ANKRD30B: variants seen among roughly 807,000 people sequenced by gnomAD.
The protein encoded by ANKRD30B is ankyrin repeat domain 30B.
In ANKRD30B, 144 loss-of-function variants were observed where a neutral mutation model predicts 202.2. That is an observed-to-expected ratio of 0.71 (90% confidence interval 0.62 to 0.82). ANKRD30B has a LOEUF of 0.82. Ranked by LOEUF, ANKRD30B falls within the 40% of genes least tolerant of loss-of-function variation. ANKRD30B has a pLI of 0.00. For synonymous variants in ANKRD30B, 508 were observed against 561.3 expected (o/e 0.91, Z 1.34); for missense variants, 1,487 against 1,669.1 (o/e 0.89, Z 1.90).
the ANKRD30B span, among the ~76,000 whole-genome samples, chr18:14,875,945 T>C: frequency 2.0e-5 from 3 of 152,124 alleles, no homozygotes; most frequent in South Asian, 2.1e-4. Context: ...TGCTACATCA[T>C]AGTAGAGGCC....
intron 13 of ANKRD30B, 44 bp downstream of exon 13, chr18:14,784,408 G>A (rs367855859): frequency 6.0e-5 from 96 of 1,612,090 alleles, no homozygotes; most frequent in Non-Finnish European, 8.1e-5. Context: ...TATTAACTAT[G>A]TACTTTGTGA....
chr18:14,831,038 C>T (rs758025275), intron 33 of ANKRD30B, among the ~76,000 whole-genome samples: 8 of 151,998 alleles, frequency 5.3e-5, no homozygotes, highest in South Asian at 2.1e-4. Context: ...AAAAATTAGC[C>T]GGGCGCAGTG....
rs138248308 is a variant in ANKRD30B, at chr18:14,807,260, G to T, written c.2285-1291G>T. ...AGCATGTTGTATTCATATTATTTGA[G>T]GAAATGAGATATATTTCTATGTCAA... On this transcript the variant is annotated intron_variant, in intron 24 of 43. Transcript: ENST00000690538. Among the ~76,000 whole-genome samples the T allele has an allele frequency of 8.1e-3, 1,229 of 150,950 alleles. 67 individuals carry two copies. The highest frequency in any genetic ancestry group is 0.028 in the African/African-American group (1,150 of 40,858).
At chr18:14,909,571 T>C in the ANKRD30B span, among the ~76,000 whole-genome samples, 2 of 152,008 alleles carry the variant, frequency 1.3e-5, no homozygotes, top group Non-Finnish European at 2.9e-5. Flanking sequence ...CCATTCTAGC[T>C]ATTTTTTTGT....
At chr18:14,919,846 G>A in the ANKRD30B span, among the ~76,000 whole-genome samples, 3 of 152,186 alleles carry the variant, frequency 2.0e-5, no homozygotes, top group East Asian at 1.9e-4. Flanking sequence ...GTTTAAAAAC[G>A]TTCTGCACCT....
At chr18:14,935,513 G>A in the ANKRD30B span, among the ~76,000 whole-genome samples, 1 of 152,194 alleles carries the variant, frequency 6.6e-6, no homozygotes, top group Non-Finnish European at 1.5e-5. Context: ...ACACCTGCAG[G>A]CCACCACTGA....
the ANKRD30B span, among the ~76,000 whole-genome samples, chr18:14,886,761 A>G: frequency 6.6e-6 from 1 of 152,148 alleles, no homozygotes; most frequent in African/African-American, 2.4e-5. Context: ...GGAAACACAT[A>G]TGAAAGACTA....
chr18:14,914,603 A>G, the ANKRD30B span, among the ~76,000 whole-genome samples: 2 of 152,230 alleles, frequency 1.3e-5, no homozygotes, highest in South Asian at 2.1e-4. Context: ...ACGCATAAAT[A>G]TAAGGATTGT....
intron 9 of ANKRD30B, among the ~76,000 whole-genome samples, chr18:14,775,322 T>C (rs1967291334): frequency 6.6e-6 from 1 of 152,220 alleles, no homozygotes; most frequent in East Asian, 1.9e-4. Context: ...TCTGAAGTTG[T>C]TTGTCTAAAA....
At chr18:14,853,445 A>G (rs541291462) in intron 42 of ANKRD30B, among the ~76,000 whole-genome samples, 3 of 152,228 alleles carry the variant, frequency 2.0e-5, no homozygotes, top group African/African-American at 7.2e-5. Context: ...AGGTGATTGA[A>G]TATGTGAGGA....
Position 14,757,798 on chromosome 18 carries a change from T to C in ANKRD30B, c.618-17T>C. 6.2e-7 allele frequency: 1 copy of C among 1,608,972 alleles called. No individual in the cohort carries two copies. The highest frequency in any genetic ancestry group is 8.5e-7 in the Non-Finnish European group (1 of 1,178,164). On this transcript the variant is annotated splice_polypyrimidine_tract_variant and intron_variant, in intron 4 of 43. Transcript: ENST00000690538. ...AATTGATTCTGCTCATAATAAGTTA[T>C]CTCTTTGTTATTTTAGCACAGCCCT... is the stretch of plus-strand genomic sequence containing the variant.
At chr18:14,936,160 C>T in the ANKRD30B span, among the ~76,000 whole-genome samples, 4 of 152,190 alleles carry the variant, frequency 2.6e-5, no homozygotes, top group Non-Finnish European at 5.9e-5. Flanking sequence ...TTCTCCTGGG[C>T]CCAAGGCATG....
At chr18:14,862,646 A>T in the ANKRD30B span, among the ~76,000 whole-genome samples, 1 of 152,208 alleles carries the variant, frequency 6.6e-6, no homozygotes, top group Non-Finnish European at 1.5e-5. Context: ...CACTACCTAC[A>T]GGAGCTGTGG....
chr18:14,876,970 C>G, the ANKRD30B span, among the ~76,000 whole-genome samples: 3 of 152,160 alleles, frequency 2.0e-5, no homozygotes, highest in Admixed American at 6.5e-5. Context: ...GCTTTCAGAT[C>G]TATGGGTCCA....
chr18:14,785,630 G>A (rs912627695), intron 14 of ANKRD30B, among the ~76,000 whole-genome samples: 22 of 152,190 alleles, frequency 1.4e-4, no homozygotes, highest in African/African-American at 5.3e-4. Flanking sequence ...CTATGGTGTG[G>A]CAACACGTAA....
In ANKRD30B at chr18:14,797,815, A is replaced by G. The variant is rs752620925; in HGVS notation, c.1990A>G (p.Lys664Glu). ...TCGRKVSLPN[K>E]ALELKDRETL... ...TGGAAGGAAAGTTTCTCTTCCAAATAAAGCCTTAGAATTAAAGGACAGAGA... is the reference window on the plus strand; with the variant it reads ...TGGAAGGAAAGTTTCTCTTCCAAATGAAGCCTTAGAATTAAAGGACAGAGA... The change falls in exon 20 of 44, where the codon AAA becomes GAA. Residue 664 changes from lysine to glutamate, a missense_variant. Coordinates refer to ENST00000690538, the MANE Select transcript of ANKRD30B (RefSeq NM_001367607.2). 1.9e-6 allele frequency: 3 copies of G among 1,552,432 alleles called. No homozygotes were observed. Among genetic ancestry groups the G allele is most frequent in the African/African-American group, 1.4e-5 (1 of 73,014 alleles).
At chr18:14,871,657 C>T in the ANKRD30B span, among the ~76,000 whole-genome samples, 1 of 152,020 alleles carries the variant, frequency 6.6e-6, no homozygotes, top group South Asian at 2.1e-4. Flanking sequence ...CCTGGGGAGG[C>T]CCAGGTGGGA....
intron 24 of ANKRD30B, among the ~76,000 whole-genome samples, chr18:14,804,548 A>T (rs1224780319): frequency 1.3e-5 from 2 of 150,720 alleles, no homozygotes; most frequent in Middle Eastern, 3.4e-3. Flanking sequence ...GGCGATGCTG[A>T]TGCTGGTGGT....
At chr18:14,874,065 G>T in the ANKRD30B span, among the ~76,000 whole-genome samples, 1 of 152,218 alleles carries the variant, frequency 6.6e-6, no homozygotes, top group Non-Finnish European at 1.5e-5. Flanking sequence ...CTCACCTGTA[G>T]AATGGGAATG....
Sources: gnomAD v4.1 joint callset for allele counts (sites outside exome capture counted in the v4.1 genomes callset) on GRCh38, gnomAD v4.1.1 for gene constraint, MANE v1.5 for transcripts, NCBI Gene and HGNC (gene_info 2026-07-23, HGNC 2026-07-21) for gene names.